GABBR2: variants seen among roughly 807,000 people sequenced by gnomAD.
The protein encoded by GABBR2 is G-protein coupled receptor 51.
Under a neutral mutation model 105.6 loss-of-function variants are expected in GABBR2, and 23 were observed. That is an observed-to-expected ratio of 0.22 (90% CI 0.16 to 0.31). The LOEUF (loss-of-function observed/expected upper bound fraction) is 0.31. GABBR2 is among the 10% of genes least tolerant of loss of function. GABBR2 has a pLI of 1.00. For missense variants in GABBR2, 734 were observed against 1,245.5 expected (o/e 0.59, Z 6.18); for synonymous variants, 478 against 499.7 (o/e 0.96, Z 0.58).
At chr9:98,435,558 T>C (rs113589404) in intron 7 of GABBR2, among the ~76,000 whole-genome samples, 9 of 152,236 alleles carry the variant, frequency 5.9e-5, no homozygotes, top group African/African-American at 2.2e-4. Context: ...CAGAGGGAGC[T>C]TCTTAAAAAC....
At chr9:98,459,223 C>T (rs891866116) in intron 6 of GABBR2, among the ~76,000 whole-genome samples, 5 of 152,154 alleles carry the variant, frequency 3.3e-5, no homozygotes, top group East Asian at 1.9e-4. Context: ...ATGATGAAAT[C>T]GCTTATATCA....
chr9:98,550,904 G>A (rs1828475901), intron 2 of GABBR2, among the ~76,000 whole-genome samples: 1 of 151,950 alleles, frequency 6.6e-6, no homozygotes, highest in Admixed American at 6.6e-5. Flanking sequence ...CAATCTTCCT[G>A]GGGGACAGGA....
At chr9:98,405,035 A>G (rs995585932) in intron 8 of GABBR2, among the ~76,000 whole-genome samples, 3 of 151,676 alleles carry the variant, frequency 2.0e-5, no homozygotes, top group African/African-American at 7.3e-5. Flanking sequence ...ATATTATAAA[A>G]CCTCCCTATC....
chr9:98,438,216 CATCTAT>C (rs1297181145), intron 7 of GABBR2, among the ~76,000 whole-genome samples: 1 of 135,840 alleles, frequency 7.4e-6, no homozygotes, highest in Non-Finnish European at 1.6e-5. Flanking sequence ...TCCATCCATC[CATCTAT>C]ATCTATACAC....
chr9:98,614,017 A>G (rs1351260423), intron 1 of GABBR2, among the ~76,000 whole-genome samples: 1 of 152,266 alleles, frequency 6.6e-6, no homozygotes, highest in Non-Finnish European at 1.5e-5. Flanking sequence ...CATGATTACA[A>G]TTCTCATCAG....
chr9:98,677,725 G>T (rs890352119), intron 1 of GABBR2, among the ~76,000 whole-genome samples: 4 of 151,866 alleles, frequency 2.6e-5, no homozygotes. Context: ...CCAGTCCTAC[G>T]GGCCCTCTTA....
chr9:98,596,607 C>A (rs896010177), intron 1 of GABBR2, among the ~76,000 whole-genome samples: 1 of 152,108 alleles, frequency 6.6e-6, no homozygotes. Flanking sequence ...TGGAAGGAGC[C>A]GGCGATGTGG....
chr9:98,691,444 A>G (rs1188115765), intron 1 of GABBR2, among the ~76,000 whole-genome samples: 4 of 152,186 alleles, frequency 2.6e-5, no homozygotes, highest in East Asian at 1.9e-4. Context: ...AGTCTTTGCA[A>G]TGTCCCTGGA....
At position 98,487,613 on chromosome 9, in the gene GABBR2, A is replaced by AATAT. The variant is rs113902571; in HGVS notation, c.733-6620_733-6617dup. On this transcript the variant is annotated intron_variant, in intron 4 of 18. Coordinates refer to ENST00000259455, the MANE Select transcript of GABBR2 (RefSeq NM_005458.8). ...AACGTGGAGAAACCCTGTCTCTACAAATATATATATATATATAGGCTGAGT... is the reference window on the plus strand; with the variant it reads ...AACGTGGAGAAACCCTGTCTCTACAAATATATATATATATATATATAGGCTGAGT... Among the ~76,000 whole-genome samples, 194 of 149,376 alleles carry AATAT rather than the reference A, an allele frequency of 1.3e-3. 1 individual carries two copies. Among genetic ancestry groups the AATAT allele is most frequent in the South Asian group, 3.0e-3 (14 of 4,698 alleles).
chr9:98,391,262 G>A (rs73655428), intron 9 of GABBR2, among the ~76,000 whole-genome samples: 6,199 of 152,210 alleles, frequency 0.041, 452 homozygotes, highest in African/African-American at 0.14. Flanking sequence ...CCTATGACAA[G>A]CTAAGCAAGA....
intron 7 of GABBR2, among the ~76,000 whole-genome samples, chr9:98,437,749 T>C (rs1049776651): frequency 6.7e-6 from 1 of 150,216 alleles, no homozygotes; most frequent in Non-Finnish European, 1.5e-5. Flanking sequence ...CATCCATCCA[T>C]CCACCTACAT....
intron 7 of GABBR2, among the ~76,000 whole-genome samples, chr9:98,435,593 G>C (rs970755739): frequency 6.6e-6 from 1 of 152,254 alleles, no homozygotes; most frequent in East Asian, 1.9e-4. Context: ...TCCCTTGCTA[G>C]ACACTTTTCC....
intron 1 of GABBR2, among the ~76,000 whole-genome samples, chr9:98,659,878 A>G (rs1732667637): frequency 6.6e-6 from 1 of 152,120 alleles, no homozygotes; most frequent in African/African-American, 2.4e-5. Flanking sequence ...TAAAAAAAAA[A>G]ATGATGCTGT....
intron 13 of GABBR2, among the ~76,000 whole-genome samples, chr9:98,318,716 G>GT (rs1830764643): frequency 6.6e-6 from 1 of 152,218 alleles, no homozygotes; most frequent in African/African-American, 2.4e-5. Flanking sequence ...CTTTGAGGGA[G>GT]GGGGTGCTTT....
chr9:98,378,348 G>A (rs533938215), intron 11 of GABBR2, among the ~76,000 whole-genome samples: 3 of 152,182 alleles, frequency 2.0e-5, no homozygotes, highest in East Asian at 3.9e-4. Flanking sequence ...TTCGGGACTC[G>A]AACCCCACCC....
intron 1 of GABBR2, among the ~76,000 whole-genome samples, chr9:98,586,401 G>A (rs1286432868): frequency 6.6e-6 from 1 of 150,830 alleles, no homozygotes; most frequent in Non-Finnish European, 1.5e-5. Context: ...CCAGGTTCAA[G>A]TGATTCTCCT....
intron 1 of GABBR2, among the ~76,000 whole-genome samples, chr9:98,594,220 T>C (rs1378760610): frequency 6.6e-6 from 1 of 152,152 alleles, no homozygotes; most frequent in Non-Finnish European, 1.5e-5. Flanking sequence ...TCCCAGCTCC[T>C]CTACATCTGA....
At chr9:98,308,165 C>T (rs556805885) in intron 14 of GABBR2, among the ~76,000 whole-genome samples, 17 of 152,200 alleles carry the variant, frequency 1.1e-4, no homozygotes, top group African/African-American at 2.9e-4. Flanking sequence ...ACCCAGGAGG[C>T]GGAGGTTGCA....
At chr9:98,418,287 C>T (rs1405019633) in intron 7 of GABBR2, among the ~76,000 whole-genome samples, 1 of 151,952 alleles carries the variant, frequency 6.6e-6, no homozygotes, top group Admixed American at 6.6e-5. Context: ...GCCTGTAATC[C>T]CAGCATTTTG....
Sources: gnomAD v4.1 joint callset for allele counts (sites outside exome capture counted in the v4.1 genomes callset) on GRCh38, gnomAD v4.1.1 for gene constraint, MANE v1.5 for transcripts, NCBI Gene and HGNC (gene_info 2026-07-23, HGNC 2026-07-21) for gene names.